The following CD46 variants were observed in gnomAD, a reference collection of about 807,000 sequenced individuals.
CD46 encodes the protein membrane cofactor protein.
A neutral mutation model predicts 53.3 loss-of-function variants in CD46; 30 were observed. That is an observed-to-expected ratio of 0.56 (90% CI 0.42 to 0.76). CD46 has a LOEUF of 0.76. CD46 is among the 30% of genes least tolerant of loss of function. The probability of loss-of-function intolerance (pLI) is 0.00; values close to 1 mark genes in which losing one functional copy is unlikely to be tolerated. For missense variants in CD46, 409 were observed against 463.0 expected (o/e 0.88, Z 1.07); for synonymous variants, 142 against 152.0 (o/e 0.93, Z 0.48).
intron 8 of CD46, among the ~76,000 whole-genome samples, chr1:207,770,649 G>A (rs924755488): frequency 3.9e-5 from 6 of 152,090 alleles, no homozygotes; most frequent in African/African-American, 9.7e-5. Context: ...GAGAACATGC[G>A]GTGTTTGGTT....
At chr1:207,768,674 A>G (rs1335507072) in intron 7 of CD46, 2 of 152,174 alleles carry the variant, frequency 1.3e-5, no homozygotes, top group African/African-American at 2.4e-5. Flanking sequence ...TTATGACTGG[A>G]GAGATTATTT....
chr1:207,754,618 T>G (rs981461902), intron 1 of CD46, among the ~76,000 whole-genome samples: 1 of 152,116 alleles, frequency 6.6e-6, no homozygotes, highest in Admixed American at 6.5e-5. Flanking sequence ...AGGAAAAAGT[T>G]CCTCCTGCCT....
At chr1:207,756,067 G>A (rs1655503749) in intron 1 of CD46, among the ~76,000 whole-genome samples, 1 of 152,126 alleles carries the variant, frequency 6.6e-6, no homozygotes, top group African/African-American at 2.4e-5. Flanking sequence ...TGCTTCCCAG[G>A]GGGAGGCAGA....
At chr1:207,791,563 G>C (rs1659801693) in intron 12 of CD46, among the ~76,000 whole-genome samples, 1 of 152,202 alleles carries the variant, frequency 6.6e-6, no homozygotes, top group African/African-American at 2.4e-5. Context: ...GTGGGACAGT[G>C]TGAGATTTCA....
chr1:207,780,117 G>A (rs1461856989), intron 8 of CD46, among the ~76,000 whole-genome samples: 1 of 151,508 alleles, frequency 6.6e-6, no homozygotes, highest in African/African-American at 2.4e-5. Flanking sequence ...TCCATCTCTA[G>A]AATATTATAA....
intron 8 of CD46, among the ~76,000 whole-genome samples, chr1:207,777,139 A>G (rs1649665918): frequency 6.6e-6 from 1 of 152,116 alleles, no homozygotes; most frequent in South Asian, 2.1e-4. Flanking sequence ...TAAGCTTGTT[A>G]TACTACTGGA....
intron 5 of CD46, among the ~76,000 whole-genome samples, chr1:207,764,900 C>T (rs1397569803): frequency 6.6e-5 from 10 of 152,128 alleles, no homozygotes; most frequent in African/African-American, 2.2e-4. Flanking sequence ...TCTACACAAG[C>T]GTTTCAAGAA....
chr1:207,788,889 G>C (rs1659534398), intron 11 of CD46, among the ~76,000 whole-genome samples: 1 of 152,222 alleles, frequency 6.6e-6, no homozygotes, highest in Non-Finnish European at 1.5e-5. Context: ...AAAGGTTAAA[G>C]TATTCTGCCA....
chr1:207,781,502 C>T (rs1658732467), intron 8 of CD46, among the ~76,000 whole-genome samples: 1 of 152,104 alleles, frequency 6.6e-6, no homozygotes, highest in Non-Finnish European at 1.5e-5. Flanking sequence ...TAAATCATAG[C>T]CAGATCAAAT....
intron 10 of CD46, 37 bp downstream of exon 10, chr1:207,785,143 A>C: frequency 6.7e-7 from 1 of 1,499,752 alleles, no homozygotes; most frequent in Non-Finnish European, 9.3e-7. Flanking sequence ...TTAAGTCAAA[A>C]AATTATTGTG....
intron 3 of CD46, 57 bp downstream of exon 3, chr1:207,757,699 C>A: frequency 8.8e-7 from 1 of 1,130,738 alleles, no homozygotes; most frequent in Non-Finnish European, 1.3e-6. Flanking sequence ...TTTTGTTTTG[C>A]TTCTCTTCTT....
At chr1:207,790,885 C>A (rs1047019513) in intron 12 of CD46, among the ~76,000 whole-genome samples, 8 of 152,130 alleles carry the variant, frequency 5.3e-5, no homozygotes, top group African/African-American at 1.9e-4. Context: ...TGCCTTAAAC[C>A]CTTGGACCCT....
At position 207,793,895 on chromosome 1, in the gene CD46, A is replaced by AT; in HGVS notation, c.*418_*419insT. 1 of 318,746 alleles carries AT rather than the reference A, an allele frequency of 3.1e-6. No individual in the cohort carries two copies. Among genetic ancestry groups the AT allele is most frequent in the Non-Finnish European group, 5.9e-6 (1 of 170,496 alleles). The allele number at this position is 318,746 out of a possible 1,614,324, so 19.7% of individuals were successfully genotyped here. A position where few individuals can be genotyped will look rare whatever the true frequency, so the allele number is the denominator to read the frequency against. On this transcript the variant is annotated 3_prime_UTR_variant, in exon 13 of 13. Transcript: ENST00000367042. ...AAAATTGGCAAAATTAGAGAAATAT[A>AT]GTTCACAATGAAATTATATTTTCTT...
intron 1 of CD46, among the ~76,000 whole-genome samples, chr1:207,755,812 G>A (rs1387950596): frequency 6.6e-6 from 1 of 152,216 alleles, no homozygotes; most frequent in Non-Finnish European, 1.5e-5. Flanking sequence ...CCATTGTGCT[G>A]TAGAATGATT....
At chr1:207,792,244 A>C (rs1373281422) in intron 12 of CD46, among the ~76,000 whole-genome samples, 2 of 152,038 alleles carry the variant, frequency 1.3e-5, no homozygotes, top group African/African-American at 4.8e-5. Context: ...ACCACACTGC[A>C]CTCCAGCCTG....
chr1:207,765,084 GA>G (rs1181684268), intron 5 of CD46, among the ~76,000 whole-genome samples: 2 of 152,008 alleles, frequency 1.3e-5, no homozygotes, highest in African/African-American at 4.8e-5. Context: ...TACATAAAAA[GA>G]AAAGTAAATC....
intron 11 of CD46, among the ~76,000 whole-genome samples, chr1:207,787,790 A>G (rs1277406486): frequency 6.6e-6 from 1 of 152,226 alleles, no homozygotes; most frequent in African/African-American, 2.4e-5. Context: ...GGCTCTCTTT[A>G]TGGATCTATT....
intron 7 of CD46, chr1:207,768,885 C>T (rs1657140409): frequency 6.6e-6 from 1 of 152,130 alleles, no homozygotes; most frequent in South Asian, 2.1e-4. Context: ...TCACTGGCTT[C>T]TAATTTGGTT....
chr1:207,777,439 A>G (rs1305666785), intron 8 of CD46, among the ~76,000 whole-genome samples: 4 of 152,134 alleles, frequency 2.6e-5, no homozygotes, highest in Non-Finnish European at 5.9e-5. Flanking sequence ...TCACCCAGGT[A>G]TTAAGCCTAG....
Sources: allele counts gnomAD v4.1 joint callset (sites outside exome capture counted in the v4.1 genomes callset), GRCh38; gene constraint gnomAD v4.1.1; transcripts MANE v1.5; gene names NCBI Gene and HGNC (gene_info 2026-07-23, HGNC 2026-07-21).